PPP1R9A: variants seen among roughly 807,000 people sequenced by gnomAD.
PPP1R9A encodes neurabin-1.
Under a neutral mutation model 141.9 loss-of-function variants are expected in PPP1R9A, and 59 were observed. The observed-to-expected ratio is 0.42, with a 90% CI of 0.34 to 0.52. The LOEUF is 0.52. Among genes scored for constraint, PPP1R9A ranks in the 20% least tolerant of loss-of-function variants. The pLI, the probability that PPP1R9A is intolerant of heterozygous loss-of-function variation, is 0.10. For synonymous variants in PPP1R9A, 500 were observed against 569.7 expected (o/e 0.88, Z 1.74); for missense variants, 1,444 against 1,611.9 (o/e 0.90, Z 1.78).
At chr7:95,229,990 C>G (rs1218139971) in intron 8 of PPP1R9A, among the ~76,000 whole-genome samples, 1 of 152,162 alleles carries the variant, frequency 6.6e-6, no homozygotes, top group African/African-American at 2.4e-5. Flanking sequence ...CATCACAGTA[C>G]TCTTTGCAGA....
At chr7:94,917,383 T>C (rs1162328857) in intron 2 of PPP1R9A, among the ~76,000 whole-genome samples, 1 of 152,048 alleles carries the variant, frequency 6.6e-6, no homozygotes, top group African/African-American at 2.4e-5. Flanking sequence ...AATAGAAATA[T>C]TTAAAGTTTC....
At position 94,910,023 on chromosome 7, in the gene PPP1R9A, C is replaced by T. The variant is rs1562975370; in HGVS notation, c.-91C>T. The stretch of plus-strand genomic sequence containing the variant: ...CATTTGAGAGGTACTTTTCTTGACC[C>T]AATACTGGTGATTAGAGAAGAGAGG... On this transcript the variant is annotated 5_prime_UTR_variant, in exon 2 of 20. Transcript: ENST00000433360. The surrounding 1 kb of genome is among the most constrained non-coding windows in gnomAD (Gnocchi z 4.5). 1 of 1,146,794 alleles carries T rather than the reference C, an allele frequency of 8.7e-7. No individual in the cohort carries two copies. Among genetic ancestry groups the T allele is most frequent in the Non-Finnish European group, 1.2e-6 (1 of 802,114 alleles). The allele number at this position is 1,146,794 out of a possible 1,614,324, so 71.0% of individuals were successfully genotyped here.
Position 94,971,426 on chromosome 7 carries a change from C to A in PPP1R9A, c.1395+59918C>A, listed in dbSNP as rs1798847033. ...ACTGCAACGCTTTTTTTCTTTATTA[C>A]CCATGGCCAGATTTCCTAGTTATTT... is the stretch of plus-strand genomic sequence containing the variant. On this transcript the variant is annotated intron_variant, in intron 2 of 19. Coordinates refer to ENST00000433360, the MANE Select transcript of PPP1R9A (RefSeq NM_001166160.2). 2.0e-5 allele frequency among the ~76,000 whole-genome samples: 3 copies of A among 152,140 alleles called. No individual in the cohort carries two copies. The South Asian group carries it at 6.2e-4, about 31-fold the overall frequency.
Position 95,290,826 on chromosome 7 carries a change from C to T in PPP1R9A, c.*523C>T, listed in dbSNP as rs1398946407. 1 of 156,382 alleles carries T rather than the reference C, an allele frequency of 6.4e-6. No homozygotes were observed. Among genetic ancestry groups the T allele is most frequent in the African/African-American group, 2.4e-5 (1 of 41,450 alleles). The allele number at this position is 156,382 out of a possible 1,614,324, so 9.7% of individuals were successfully genotyped here. A position where few individuals can be genotyped will look rare whatever the true frequency, so the allele number is the denominator to read the frequency against. On this transcript the variant is annotated 3_prime_UTR_variant, in exon 20 of 20. Transcript: ENST00000433360. ...ATTTGCTCTTAATTCTCAGTCTGGACAGTGAGACCACCCCGCTGTGGAAAC... is the reference window on the plus strand; with the variant it reads ...ATTTGCTCTTAATTCTCAGTCTGGATAGTGAGACCACCCCGCTGTGGAAAC...
intron 2 of PPP1R9A, among the ~76,000 whole-genome samples, chr7:94,955,131 C>G (rs1054178560): frequency 2.6e-5 from 4 of 151,826 alleles, no homozygotes; most frequent in Admixed American, 1.3e-4. Context: ...AGATTTTCCT[C>G]TAGTATTAGT....
intron 2 of PPP1R9A, among the ~76,000 whole-genome samples, chr7:94,969,959 C>T (rs1483785275): frequency 6.6e-6 from 1 of 152,072 alleles, no homozygotes; most frequent in African/African-American, 2.4e-5. Context: ...GGGGGAGAAC[C>T]GCCTACTCAA....
intron 14 of PPP1R9A, among the ~76,000 whole-genome samples, chr7:95,271,522 G>A (rs184725941): frequency 2.2e-4 from 34 of 152,278 alleles, no homozygotes; most frequent in Admixed American, 1.2e-3. Context: ...GGGGAAATAG[G>A]ATTAACTCAT....
chr7:95,142,702 T>G (rs965611170), intron 4 of PPP1R9A, among the ~76,000 whole-genome samples: 3 of 152,126 alleles, frequency 2.0e-5, no homozygotes, highest in Admixed American at 6.6e-5. Flanking sequence ...AAGATTAATT[T>G]TTTTAATGAG....
chr7:95,252,063 C>T lies in PPP1R9A; in HGVS notation c.2598C>T (p.Val866=). 6.2e-7 allele frequency: 1 copy of T among 1,613,068 alleles called. No homozygotes were observed. Among genetic ancestry groups the T allele is most frequent in the Non-Finnish European group, 8.5e-7 (1 of 1,179,718 alleles). Residue 866 remains valine, a synonymous_variant, in exon 12 of 20, where the codon GTC becomes GTT. Coordinates refer to ENST00000433360, the MANE Select transcript of PPP1R9A (RefSeq NM_001166160.2). The stretch of plus-strand genomic sequence containing the variant: ...AGAGAAGAACATCTCTTGGTGAAGT[C>T]TCTAAAGGGGATACCATGGAGAACT... ...IFERRTSLGE[V]SKGDTMENLD...
intron 5 of PPP1R9A, among the ~76,000 whole-genome samples, chr7:95,186,190 T>C (rs1462647557): frequency 6.6e-6 from 1 of 152,206 alleles, no homozygotes; most frequent in Non-Finnish European, 1.5e-5. Flanking sequence ...TTGTGCCATC[T>C]ATGATTTCCT....
intron 5 of PPP1R9A, among the ~76,000 whole-genome samples, chr7:95,185,354 G>T (rs1475904977): frequency 7.0e-6 from 1 of 143,724 alleles, no homozygotes; most frequent in African/African-American, 2.7e-5. Context: ...GTCTATTCAT[G>T]TCCCTAGCCC....
intron 2 of PPP1R9A, among the ~76,000 whole-genome samples, chr7:94,991,692 C>T (rs1197079467): frequency 3.3e-5 from 5 of 151,876 alleles, no homozygotes; most frequent in Non-Finnish European, 7.4e-5. Flanking sequence ...GCTCTGTCAC[C>T]CAGGGCTGGA....
chr7:94,908,139 G>C (rs1445702189), intron 1 of PPP1R9A: 1 of 150,552 alleles, frequency 6.6e-6, no homozygotes, highest in Non-Finnish European at 1.5e-5. Context: ...CTCCCGCTCG[G>C]GTAAGGGGGA....
At chr7:95,269,550 G>A (rs1801835419) in intron 14 of PPP1R9A, 43 bp downstream of exon 14, 3 of 1,455,528 alleles carry the variant, frequency 2.1e-6, no homozygotes, top group South Asian at 2.5e-5. Context: ...ACCTCAGCTT[G>A]TACAGTATAA....
At position 95,291,242 on chromosome 7, in the gene PPP1R9A, A is replaced by G. The variant is rs1404353181; in HGVS notation, c.*939A>G. ...ATTTTCAGGTTTCCTCTCCTGGGGAACATTCTGGCTGGTCTTCAGCCTGCC... is the reference window on the plus strand; with the variant it reads ...ATTTTCAGGTTTCCTCTCCTGGGGAGCATTCTGGCTGGTCTTCAGCCTGCC... On this transcript the variant is annotated 3_prime_UTR_variant, in exon 20 of 20. Coordinates refer to ENST00000433360, the MANE Select transcript of PPP1R9A (RefSeq NM_001166160.2). 2.0e-5 allele frequency: 3 copies of G among 152,212 alleles called. No homozygotes were observed. The highest frequency in any genetic ancestry group is 4.4e-5 in the Non-Finnish European group (3 of 68,036). 9.4% of individuals were successfully genotyped at this position (152,212 alleles called of 1,614,324 possible).
chr7:95,104,790 T>A (rs2152417634), intron 2 of PPP1R9A, among the ~76,000 whole-genome samples: 1 of 152,350 alleles, frequency 6.6e-6, no homozygotes, highest in South Asian at 2.1e-4. Context: ...CTTGCCAGGT[T>A]GGTTTTTGGA....
intron 2 of PPP1R9A, among the ~76,000 whole-genome samples, chr7:94,987,380 T>C (rs947572090): frequency 3.9e-5 from 6 of 152,194 alleles, no homozygotes; most frequent in Non-Finnish European, 8.8e-5. Flanking sequence ...AAACAGTATC[T>C]TAACTATATA....
intron 7 of PPP1R9A, chr7:95,214,446 T>C (rs1792848666): frequency 6.6e-6 from 1 of 152,204 alleles, no homozygotes; most frequent in African/African-American, 2.4e-5. Context: ...GCTCATAAGA[T>C]GGCAACTTGC....
intron 2 of PPP1R9A, among the ~76,000 whole-genome samples, chr7:94,993,457 T>G (rs1418013415): frequency 6.6e-6 from 1 of 152,220 alleles, no homozygotes; most frequent in Non-Finnish European, 1.5e-5. Flanking sequence ...TTTTGATTTG[T>G]ATTGTTTGGA....
Sources: allele counts gnomAD v4.1 joint callset (sites outside exome capture counted in the v4.1 genomes callset), GRCh38; gene constraint gnomAD v4.1.1; non-coding constraint Gnocchi (gnomAD v3.1); transcripts MANE v1.5; gene names NCBI Gene and HGNC (gene_info 2026-07-23, HGNC 2026-07-21).